LNPK: variants seen among roughly 807,000 people sequenced by gnomAD.
The protein encoded by LNPK is lunapark, ER junction formation factor.
Under a neutral mutation model 55.2 loss-of-function variants are expected in LNPK, and 29 were observed. The ratio of observed to expected loss-of-function variants is 0.53; its 90% CI spans 0.39 to 0.72. The LOEUF (loss-of-function observed/expected upper bound fraction) is 0.72, where lower values mean the gene tolerates loss of function less well. Ranked by LOEUF, LNPK falls within the 30% of genes least tolerant of loss-of-function variation. The probability of loss-of-function intolerance (pLI) is 0.00; values close to 1 mark genes in which losing one functional copy is unlikely to be tolerated. For synonymous variants in LNPK, 162 were observed against 168.2 expected, an observed-to-expected ratio of 0.96 and a Z score of 0.29; for missense variants, 467 against 494.8, an observed-to-expected ratio of 0.94 and a Z score of 0.53.
rs1685121786 is a variant in LNPK at position 175,946,350 on chromosome 2, T to C, written c.706+1130A>G. Among the ~76,000 whole-genome samples the C allele has an allele frequency of 2.0e-5, 3 of 152,244 alleles. No individual in the cohort carries two copies. The South Asian group carries it at 6.2e-4, about 32-fold the overall frequency. On this transcript the variant is annotated intron_variant, in intron 9 of 12. Coordinates refer to ENST00000272748, the MANE Select transcript of LNPK (RefSeq NM_030650.3). Reference sequence around the variant, plus strand: ...AATCAACCAGATAACAACAGAAACATTAGTAATTTTCAATCAATTTAACTT... The same window carrying C: ...AATCAACCAGATAACAACAGAAACACTAGTAATTTTCAATCAATTTAACTT...
At chr2:175,935,594 T>C (rs1410741796) in intron 12 of LNPK, 1 of 160,294 alleles carries the variant, frequency 6.2e-6, no homozygotes, top group African/African-American at 2.4e-5. Flanking sequence ...AAGAGAAGTA[T>C]GAAAGTTATT....
chr2:175,998,399 C>T (rs1461248006), intron 1 of LNPK, among the ~76,000 whole-genome samples: 7 of 148,158 alleles, frequency 4.7e-5, no homozygotes, highest in African/African-American at 1.0e-4. Context: ...GCCAAGATCG[C>T]GCCACTGCAC....
rs56037027 is a variant in LNPK, at chr2:175,951,584, C to CATATATATATATATATATATATATAT, written c.494-3918_494-3893dup. ...TATGGCTGAGTAGTATTCCATCATT[C>CATATATATATATATATATATATATAT]ATATATATATATATATATATATATA... On this transcript the variant is annotated intron_variant, in intron 8 of 12. Coordinates refer to ENST00000272748, the MANE Select transcript of LNPK (RefSeq NM_030650.3). Among the ~76,000 whole-genome samples, 229 of 90,440 alleles carry CATATATATATATATATATATATATAT rather than the reference C, an allele frequency of 2.5e-3. 3 individuals are homozygous for CATATATATATATATATATATATATAT. Among genetic ancestry groups the CATATATATATATATATATATATATAT allele is most frequent in the Non-Finnish European group, 3.0e-3 (126 of 41,346 alleles). The allele number at this position is 90,440 out of a possible 152,430, so 59.3% of individuals were successfully genotyped here. A position where few individuals can be genotyped will look rare whatever the true frequency, so the allele number is the denominator to read the frequency against.
chr2:175,994,562 G>A (rs571072892), intron 2 of LNPK, among the ~76,000 whole-genome samples: 4 of 151,404 alleles, frequency 2.6e-5, no homozygotes, highest in Non-Finnish European at 4.4e-5. Flanking sequence ...TAGCTCTGTC[G>A]CCCAGGCTGG....
At chr2:175,934,152 C>T (rs974889908) in intron 12 of LNPK, among the ~76,000 whole-genome samples, 9 of 152,160 alleles carry the variant, frequency 5.9e-5, no homozygotes, top group African/African-American at 1.9e-4. Context: ...TACTACATAT[C>T]TTGAGAAGGC....
intron 9 of LNPK, among the ~76,000 whole-genome samples, chr2:175,945,413 G>A (rs144894784): frequency 0.013 from 1,952 of 149,898 alleles, 40 homozygotes; most frequent in African/African-American, 0.045. Context: ...GCTGAGGCAG[G>A]AGAATTGCTT....
intron 12 of LNPK, among the ~76,000 whole-genome samples, chr2:175,930,697 G>A (rs889250508): frequency 1.3e-5 from 2 of 152,012 alleles, no homozygotes; most frequent in Non-Finnish European, 1.5e-5. Flanking sequence ...TGGGTGGATG[G>A]TGCGTTCCTA....
rs181404959 is a variant in LNPK, at chr2:175,980,412, G to C, written c.258-544C>G. 5.6e-3 allele frequency among the ~76,000 whole-genome samples: 860 copies of C among 152,250 alleles called. 9 individuals are homozygous for C. Among genetic ancestry groups the C allele is most frequent in the African/African-American group, 0.019 (809 of 41,540 alleles). Reference sequence around the variant, plus strand: ...AAACCTTACCTTCAAATAAATACTTGATGAGTAAAATTAGCTAAATATCTC... The same window carrying C: ...AAACCTTACCTTCAAATAAATACTTCATGAGTAAAATTAGCTAAATATCTC... On this transcript the variant is annotated intron_variant, in intron 4 of 12. Coordinates refer to ENST00000272748, the MANE Select transcript of LNPK (RefSeq NM_030650.3).
intron 2 of LNPK, among the ~76,000 whole-genome samples, chr2:175,993,433 T>C (rs1219576414): frequency 6.6e-6 from 1 of 152,234 alleles, no homozygotes. Context: ...ATTTCCCTAC[T>C]TAACTGTTTT....
At chr2:175,959,810 A>C (rs200049663) in intron 8 of LNPK, among the ~76,000 whole-genome samples, 9 of 152,180 alleles carry the variant, frequency 5.9e-5, no homozygotes, top group Non-Finnish European at 7.4e-5. Context: ...GTATTCAGGA[A>C]ACCCATCTCA....
At chr2:175,994,158 A>G in intron 2 of LNPK, 9 of 979,634 alleles carry the variant, frequency 9.2e-6, no homozygotes, top group Non-Finnish European at 9.7e-6. Context: ...ACAATCCAAG[A>G]GGGTAATGAA....
At chr2:175,991,958 G>A (rs1406539476) in intron 4 of LNPK, among the ~76,000 whole-genome samples, 1 of 152,070 alleles carries the variant, frequency 6.6e-6, no homozygotes, top group Non-Finnish European at 1.5e-5. Flanking sequence ...GCCCTTCGGG[G>A]AGCATGGTCA....
rs1684166116 is a variant in LNPK, at chr2:175,929,626, C to G, written c.*341G>C. The G allele has an allele frequency of 9.7e-7, 1 of 1,031,356 alleles. No individual in the cohort carries two copies. Among genetic ancestry groups the G allele is most frequent in the Non-Finnish European group, 1.2e-6 (1 of 859,714 alleles). 63.9% of individuals were successfully genotyped at this position (1,031,356 alleles called of 1,614,324 possible). A position where few individuals can be genotyped will look rare whatever the true frequency, so the allele number is the denominator to read the frequency against. On this transcript the variant is annotated 3_prime_UTR_variant, in exon 13 of 13. Coordinates refer to ENST00000272748, the MANE Select transcript of LNPK (RefSeq NM_030650.3). ...AGAGAACTTACTCTTAACCAAAGTT[C>G]TTCCTATGTCAAAATGGATATTTAC... is the stretch of plus-strand genomic sequence containing the variant.
At chr2:175,974,486 AT>A (rs1247366966) in intron 5 of LNPK, among the ~76,000 whole-genome samples, 15 of 152,354 alleles carry the variant, frequency 9.8e-5, no homozygotes, top group African/African-American at 3.6e-4. Context: ...CTATTGTAGG[AT>A]GAACGCAGCT....
At chr2:175,950,953 A>G (rs150760962) in intron 8 of LNPK, among the ~76,000 whole-genome samples, 1 of 152,248 alleles carries the variant, frequency 6.6e-6, no homozygotes, top group East Asian at 1.9e-4. Flanking sequence ...TTACACATTA[A>G]ATGTTCCCTT....
chr2:175,990,808 T>C (rs1018173642), intron 4 of LNPK, among the ~76,000 whole-genome samples: 2 of 151,884 alleles, frequency 1.3e-5, no homozygotes, highest in Admixed American at 1.3e-4. Context: ...GTTACAAATA[T>C]CAATGAGATG....
chr2:175,993,500 T>C lies in LNPK; in HGVS notation c.28-277A>G, dbSNP rs545793692. On this transcript the variant is annotated intron_variant, in intron 2 of 12. Transcript: ENST00000272748. Reference sequence around the variant, plus strand: ...CAATTTTTACCATTCTTAACCTCAATAGAACACACCGTTCTAGAAAGAAAC... The same window carrying C: ...CAATTTTTACCATTCTTAACCTCAACAGAACACACCGTTCTAGAAAGAAAC... Among the ~76,000 whole-genome samples the C allele has an allele frequency of 2.0e-5, 3 of 152,294 alleles. No homozygotes were observed. The South Asian group carries it at 6.2e-4, about 32-fold the overall frequency.
chr2:175,963,575 GA>G (rs1686177821), intron 8 of LNPK, among the ~76,000 whole-genome samples: 1 of 152,210 alleles, frequency 6.6e-6, no homozygotes, highest in East Asian at 1.9e-4. Flanking sequence ...GCGGGGGAGG[GA>G]TAGCATTGGG....
intron 8 of LNPK, among the ~76,000 whole-genome samples, chr2:175,963,582 T>C (rs916892923): frequency 1.3e-5 from 2 of 152,088 alleles, no homozygotes; most frequent in Admixed American, 6.6e-5. Flanking sequence ...AGGGATAGCA[T>C]TGGGAGATAT....
Sources: gnomAD v4.1 joint callset for allele counts (sites outside exome capture counted in the v4.1 genomes callset) on GRCh38, gnomAD v4.1.1 for gene constraint, MANE v1.5 for transcripts, NCBI Gene and HGNC (gene_info 2026-07-23, HGNC 2026-07-21) for gene names.